Variants in PARD3 observed in about 807,000 individuals in gnomAD.
PARD3 encodes the protein par-3 family cell polarity regulator.
A neutral mutation model predicts 155.4 loss-of-function variants in PARD3; 75 were observed. That is an observed-to-expected ratio of 0.48 (90% CI 0.40 to 0.58). PARD3 has a LOEUF of 0.58. PARD3 is among the 20% of genes least tolerant of loss of function. The pLI, the probability that PARD3 is intolerant of heterozygous loss-of-function variation, is 0.00. For missense variants in PARD3, 1,642 were observed against 1,721.7 expected (o/e 0.95, Z 0.82); for synonymous variants, 576 against 610.5 (o/e 0.94, Z 0.83).
At chr10:34,702,116 G>C (rs2133546992) in intron 1 of PARD3, among the ~76,000 whole-genome samples, 1 of 152,038 alleles carries the variant, frequency 6.6e-6, no homozygotes, top group East Asian at 1.9e-4. Context: ...AGTGAGCTGA[G>C]ATTGCGCCAC....
At chr10:34,276,937 C>A (rs1441014) in intron 21 of PARD3, among the ~76,000 whole-genome samples, 19,168 of 152,040 alleles carry the variant, frequency 0.13, 3,091 homozygotes, top group African/African-American at 0.38. Flanking sequence ...ATAGAATATA[C>A]TAATATTAGT....
chr10:34,161,262 A>AG (rs1949267333), intron 22 of PARD3, among the ~76,000 whole-genome samples: 1 of 151,218 alleles, frequency 6.6e-6, no homozygotes, highest in African/African-American at 2.4e-5. Context: ...AAAAAAAAAG[A>AG]AGAGAATCGA....
At chr10:34,677,273 G>A (rs2093726347) in intron 2 of PARD3, among the ~76,000 whole-genome samples, 1 of 152,040 alleles carries the variant, frequency 6.6e-6, no homozygotes, top group Non-Finnish European at 1.5e-5. Context: ...TTGAGGCCAT[G>A]AGTTTGCAAC....
At position 34,806,888 on chromosome 10, in the gene PARD3, C is replaced by A. The variant is rs539037331; in HGVS notation, c.120+7988G>T. ...AGGGAACTGGCAGTGGGAGTCCAGC[C>A]CAGCACCTCTGAATATGAGAACATG... On this transcript the variant is annotated intron_variant, in intron 1 of 24. Transcript: ENST00000374788. Among the ~76,000 whole-genome samples the A allele has an allele frequency of 2.8e-4, 43 of 152,286 alleles. No homozygotes were observed. The East Asian group carries it at 7.1e-3, about 25-fold the overall frequency.
rs1002691545 is a variant in PARD3 at position 34,470,899 on chromosome 10, A to G, written c.404-636T>C. Among the ~76,000 whole-genome samples, 89 of 152,240 alleles carry G rather than the reference A, an allele frequency of 5.8e-4. 1 individual carries two copies. Among genetic ancestry groups the G allele is most frequent in the Non-Finnish European group, 1.0e-4 (7 of 68,042 alleles). On this transcript the variant is annotated intron_variant, in intron 3 of 24. Transcript: ENST00000374788. ...TGAAATGTTTCCAATACAAAAAAAGATAAATAATTGAGGTGTGAATATCCT... is the reference window on the plus strand; with the variant it reads ...TGAAATGTTTCCAATACAAAAAAAGGTAAATAATTGAGGTGTGAATATCCT...
Position 34,450,295 on chromosome 10 carries a change from ATATAAGGATTTGTCATGT to A in PARD3, c.714+4_714+21del, listed in dbSNP as rs1564728054. 4 of 1,608,450 alleles carry A rather than the reference ATATAAGGATTTGTCATGT, an allele frequency of 2.5e-6. No homozygotes were observed. The highest frequency in any genetic ancestry group is 3.4e-6 in the Non-Finnish European group (4 of 1,177,568). On this transcript the variant is annotated splice_donor_5th_base_variant and intron_variant, in intron 5 of 24. Coordinates refer to ENST00000374788, the MANE Select transcript of PARD3 (RefSeq NM_001184785.2). ...ACAGGATGTTACAGCAATGACGCAC[ATATAAGGATTTGTCATGT>A]TACCTGTTCTTGTTTCTCCAGCCAC...
At chr10:34,182,548 T>A (rs1950312347) in intron 22 of PARD3, among the ~76,000 whole-genome samples, 1 of 152,122 alleles carries the variant, frequency 6.6e-6, no homozygotes, top group African/African-American at 2.4e-5. Context: ...TTTTGGGACA[T>A]CTACAAGAAT....
intron 2 of PARD3, among the ~76,000 whole-genome samples, chr10:34,572,230 G>A (rs138075438): frequency 6.6e-6 from 1 of 152,240 alleles, no homozygotes; most frequent in African/African-American, 2.4e-5. Flanking sequence ...CAATGAGGCT[G>A]GGGAAGTGGC....
At chr10:34,267,760 T>A (rs1315619083) in intron 22 of PARD3, among the ~76,000 whole-genome samples, 2 of 152,162 alleles carry the variant, frequency 1.3e-5, no homozygotes, top group African/African-American at 4.8e-5. Flanking sequence ...TGAGGGTTCT[T>A]AACAGTGCCA....
In PARD3 at chr10:34,436,443, T is replaced by A. The variant is rs138000834; in HGVS notation, c.714+13874A>T. Among the ~76,000 whole-genome samples the A allele has an allele frequency of 6.4e-4, 98 of 152,358 alleles. 1 individual carries two copies. The highest frequency in any genetic ancestry group is 6.2e-3 in the South Asian group (30 of 4,832). ...GTTTAATAGACTGCATACAACATCA[T>A]GTCACAATGTGAGGTGATAGAGTGA... is the stretch of plus-strand genomic sequence containing the variant. On this transcript the variant is annotated intron_variant, in intron 5 of 24. Coordinates refer to ENST00000374788, the MANE Select transcript of PARD3 (RefSeq NM_001184785.2).
intron 9 of PARD3, among the ~76,000 whole-genome samples, chr10:34,381,912 C>CAAAAAAAAAAAAAAAAAAAA (rs202053812): frequency 1.0e-3 from 73 of 71,844 alleles, no homozygotes; most frequent in Non-Finnish European, 1.1e-3. Flanking sequence ...GGCCCTGTCT[C>CAAAAAAAAAAAAAAAAAAAA]AAAAAAAAAA....
At chr10:34,277,800 C>A (rs1317282800) in intron 21 of PARD3, among the ~76,000 whole-genome samples, 1 of 152,144 alleles carries the variant, frequency 6.6e-6, no homozygotes, top group African/African-American at 2.4e-5. Flanking sequence ...CTAATACAAT[C>A]ACAACTTGTA....
intron 5 of PARD3, among the ~76,000 whole-genome samples, chr10:34,447,600 A>C (rs1409920553): frequency 2.6e-5 from 4 of 151,260 alleles, no homozygotes; most frequent in Non-Finnish European, 1.5e-5. Flanking sequence ...CAATAGATCA[A>C]GACCACCTTG....
chr10:34,595,163 A>G (rs1030760435), intron 2 of PARD3, among the ~76,000 whole-genome samples: 1 of 152,188 alleles, frequency 6.6e-6, no homozygotes, highest in Non-Finnish European at 1.5e-5. Context: ...TCACAATGTC[A>G]AGTTCAGACT....
At chr10:34,748,537 C>T (rs1295482751) in intron 1 of PARD3, among the ~76,000 whole-genome samples, 1 of 152,040 alleles carries the variant, frequency 6.6e-6, no homozygotes, top group Non-Finnish European at 1.5e-5. Flanking sequence ...TCCACATCCT[C>T]CCCTCCCACC....
intron 22 of PARD3, among the ~76,000 whole-genome samples, chr10:34,137,738 T>C: frequency 6.6e-6 from 1 of 151,848 alleles, no homozygotes; most frequent in South Asian, 2.1e-4. Flanking sequence ...ACACATGGAG[T>C]GAATATGAAT....
Position 34,450,486 on chromosome 10 carries a change from C to G in PARD3, c.583-38G>C, listed in dbSNP as rs976628550. On this transcript the variant is annotated intron_variant, in intron 4 of 24. Coordinates refer to ENST00000374788, the MANE Select transcript of PARD3 (RefSeq NM_001184785.2). ...AAACAAAAAGGTGTCTTGTAAAAAACCAGACCTTGCAAATCAGTAATGCAC... is the reference window on the plus strand; with the variant it reads ...AAACAAAAAGGTGTCTTGTAAAAAAGCAGACCTTGCAAATCAGTAATGCAC... 2.5e-6 allele frequency: 4 copies of G among 1,585,220 alleles called. No homozygotes were observed. In the African/African-American group the frequency reaches 5.5e-5, roughly 22 times the overall value.
rs749775318 is a variant in PARD3 at position 34,367,425 on chromosome 10, G to C, written c.1707+5073C>G. Among the ~76,000 whole-genome samples, 4 of 152,140 alleles carry C rather than the reference G, an allele frequency of 2.6e-5. No homozygotes were observed. In the East Asian group the frequency reaches 5.8e-4, roughly 22 times the overall value. ...TATATAAGAAAATGTCCTCCTTCTG[G>C]CCAGGCGCAGTGGCTCACGCCTGTA... is the stretch of plus-strand genomic sequence containing the variant. On this transcript the variant is annotated intron_variant, in intron 12 of 24. Transcript: ENST00000374788.
intron 22 of PARD3, among the ~76,000 whole-genome samples, chr10:34,227,313 G>A (rs1322340277): frequency 1.3e-5 from 2 of 152,134 alleles, no homozygotes; most frequent in African/African-American, 4.8e-5. Context: ...AAACCAGAAT[G>A]ATCTCCACAC....
Sources: gnomAD v4.1 joint callset for allele counts (sites outside exome capture counted in the v4.1 genomes callset) on GRCh38, gnomAD v4.1.1 for gene constraint, MANE v1.5 for transcripts, NCBI Gene and HGNC (gene_info 2026-07-23, HGNC 2026-07-21) for gene names.